YTHDC2: variants seen among roughly 807,000 people sequenced by gnomAD.
YTHDC2 encodes the protein 3'-5' RNA helicase YTHDC2.
A neutral mutation model predicts 174.9 loss-of-function variants in YTHDC2; 45 were observed. That is an observed-to-expected ratio of 0.26 (90% confidence interval 0.20 to 0.33). The LOEUF (loss-of-function observed/expected upper bound fraction) is 0.33. Among genes scored for constraint, YTHDC2 ranks in the 10% least tolerant of loss-of-function variants. The probability of loss-of-function intolerance (pLI) is 1.00; values close to 1 mark genes in which losing one functional copy is unlikely to be tolerated. For missense variants in YTHDC2, 1,650 were observed against 1,723.7 expected (o/e 0.96, Z 0.76); for synonymous variants, 657 against 574.5 (o/e 1.14, Z -2.05).
chr5:113,572,450 G>C (rs1168331849), intron 23 of YTHDC2, among the ~76,000 whole-genome samples: 1 of 152,198 alleles, frequency 6.6e-6, no homozygotes, highest in Non-Finnish European at 1.5e-5. Flanking sequence ...TCTTGTTTTT[G>C]GGTAGAGAGT....
intron 1 of YTHDC2, chr5:113,514,287 A>G (rs1249776795): frequency 4.2e-6 from 3 of 717,584 alleles, no homozygotes; most frequent in Non-Finnish European, 7.5e-6. Context: ...TGCTCTGCGG[A>G]TCAATGGGGT....
At chr5:113,521,744 G>GA (rs576067211) in intron 2 of YTHDC2, among the ~76,000 whole-genome samples, 3 of 102,048 alleles carry the variant, frequency 2.9e-5, no homozygotes, top group Non-Finnish European at 6.2e-5. Flanking sequence ...AAAAAAAAAA[G>GA]AAAAAAAACC....
chr5:113,540,016 C>G (rs1419038880), intron 8 of YTHDC2, among the ~76,000 whole-genome samples: 1 of 152,178 alleles, frequency 6.6e-6, no homozygotes, highest in Non-Finnish European at 1.5e-5. Flanking sequence ...ATCCTCCCAC[C>G]TCAGCCTCTT....
In YTHDC2 at chr5:113,593,365, A is replaced by G. The variant is rs532531947; in HGVS notation, c.4275A>G (p.Glu1425=). Residue 1425 remains glutamate (E), a synonymous_variant, in exon 29 of 30, where the codon GAA becomes GAG. Transcript: ENST00000161863. ...LQLWERLPLG[E]KNTTD ...TATGGGAACGTCTTCCCTTGGGAGAAAAAAACACAACTGATTGACACTCAG... is the reference window on the plus strand; with the variant it reads ...TATGGGAACGTCTTCCCTTGGGAGAGAAAAACACAACTGATTGACACTCAG... The G allele has an allele frequency of 1.4e-4, 224 of 1,612,704 alleles. 3 individuals are homozygous for G. In the South Asian group the frequency reaches 2.4e-3, roughly 17 times the overall value.
intron 23 of YTHDC2, among the ~76,000 whole-genome samples, chr5:113,573,199 A>G (rs1405389918): frequency 6.6e-6 from 1 of 152,152 alleles, no homozygotes; most frequent in Non-Finnish European, 1.5e-5. Context: ...CTTGTCTGAA[A>G]AGGATCTTAT....
intron 17 of YTHDC2, among the ~76,000 whole-genome samples, chr5:113,559,237 T>C (rs115508996): frequency 1.3e-5 from 2 of 151,950 alleles, no homozygotes; most frequent in South Asian, 4.2e-4. Context: ...ATGCATCTTA[T>C]GAAAAAAATT....
intron 23 of YTHDC2, among the ~76,000 whole-genome samples, chr5:113,575,631 G>C (rs1433032630): frequency 6.6e-6 from 1 of 152,176 alleles, no homozygotes; most frequent in Non-Finnish European, 1.5e-5. Context: ...GAGTGCACTG[G>C]TCAATGGAAG....
chr5:113,529,111 G>A (rs530148914), intron 4 of YTHDC2, among the ~76,000 whole-genome samples: 6 of 151,792 alleles, frequency 4.0e-5, no homozygotes, highest in South Asian at 2.1e-4. Flanking sequence ...CATAGTATTC[G>A]TGAACATTTT....
intron 2 of YTHDC2, 59 bp from the exon 3 acceptor site, chr5:113,524,922 C>A: frequency 7.9e-7 from 1 of 1,269,494 alleles, no homozygotes; most frequent in Non-Finnish European, 1.1e-6. Flanking sequence ...AGTGGGCATA[C>A]ATCATATGTG....
rs906426636 is a variant in YTHDC2, at chr5:113,591,887, A to G, written c.4030-109A>G. 7 of 864,206 alleles carry G rather than the reference A, an allele frequency of 8.1e-6. No individual in the cohort carries two copies. The African/African-American group carries it at 8.7e-5, about 11-fold the overall frequency. 53.5% of individuals were successfully genotyped at this position (864,206 alleles called of 1,614,324 possible). A position where few individuals can be genotyped will look rare whatever the true frequency, so the allele number is the denominator to read the frequency against. Reference sequence around the variant, plus strand: ...TTTGTTAGGTATCTGTTATTTCAATATTATATCTTAATCTTAAAATTTTAA... The same window carrying G: ...TTTGTTAGGTATCTGTTATTTCAATGTTATATCTTAATCTTAAAATTTTAA... On this transcript the variant is annotated intron_variant, in intron 27 of 29. Transcript: ENST00000161863.
intron 2 of YTHDC2, among the ~76,000 whole-genome samples, chr5:113,518,344 GC>G (rs1773623640): frequency 6.6e-6 from 1 of 151,752 alleles, no homozygotes; most frequent in South Asian, 2.1e-4. Flanking sequence ...GGTACTACAG[GC>G]ATATGCTACC....
chr5:113,565,739 ATAT>A, intron 20 of YTHDC2, 151 bp from the exon 21 acceptor site: 1 of 700,122 alleles, frequency 1.4e-6, no homozygotes, highest in Non-Finnish European at 2.1e-6. Flanking sequence ...TTAATGATAA[ATAT>A]TATTTGATCA....
At chr5:113,515,543 A>G (rs963928174) in intron 2 of YTHDC2, among the ~76,000 whole-genome samples, 181 bp downstream of exon 2, 3 of 152,068 alleles carry the variant, frequency 2.0e-5, no homozygotes, top group East Asian at 1.9e-4. Flanking sequence ...CCCTCTGTCT[A>G]CCTCTTCCCC....
chr5:113,518,556 CGTGTGT>C (rs67062871), intron 2 of YTHDC2, among the ~76,000 whole-genome samples: 13,838 of 144,384 alleles, frequency 0.096, 711 homozygotes, highest in Non-Finnish European at 0.12. Context: ...AGTTAGTTTT[CGTGTGT>C]GTGTGTGTGT....
At chr5:113,578,338 G>A (rs141361518) in intron 23 of YTHDC2, among the ~76,000 whole-genome samples, 454 of 151,934 alleles carry the variant, frequency 3.0e-3, no homozygotes, top group African/African-American at 0.01. Context: ...TGGGACTATA[G>A]GCATGAGTCA....
intron 7 of YTHDC2, among the ~76,000 whole-genome samples, chr5:113,537,512 T>A (rs554044386): frequency 6.6e-6 from 1 of 151,992 alleles, no homozygotes; most frequent in Non-Finnish European, 1.5e-5. Context: ...AATAGTGGTA[T>A]TCTCTAGAAT....
intron 24 of YTHDC2, 146 bp downstream of exon 24, chr5:113,579,841 T>A: frequency 7.7e-7 from 1 of 1,301,516 alleles, no homozygotes; most frequent in Non-Finnish European, 9.8e-7. Context: ...GGGACCTCAT[T>A]CATTCTCTTC....
At chr5:113,553,434 T>A (rs1776397825) in intron 13 of YTHDC2, 75 bp downstream of exon 13, 3 of 1,459,996 alleles carry the variant, frequency 2.1e-6, no homozygotes, top group Admixed American at 2.3e-5. Flanking sequence ...GTACAAATTT[T>A]TATATAATTG....
At position 113,584,137 on chromosome 5, in the gene YTHDC2, A is replaced by G. The variant is rs567445900; in HGVS notation, c.3648-165A>G. 4.3e-5 allele frequency: 23 copies of G among 530,548 alleles called. No individual in the cohort carries two copies. In the South Asian group the frequency reaches 5.3e-4, roughly 12 times the overall value. The allele number at this position is 530,548 out of a possible 1,614,324, so 32.9% of individuals were successfully genotyped here. A position where few individuals can be genotyped will look rare whatever the true frequency, so the allele number is the denominator to read the frequency against. On this transcript the variant is annotated intron_variant, in intron 25 of 29. Transcript: ENST00000161863. ...AAATTTAGAACTGCCATAGACATCT[A>G]TATTTCCTGACCTTAGTATTTTTAA...
Sources: gnomAD v4.1 joint callset for allele counts (sites outside exome capture counted in the v4.1 genomes callset) on GRCh38, gnomAD v4.1.1 for gene constraint, MANE v1.5 for transcripts, NCBI Gene and HGNC (gene_info 2026-07-23, HGNC 2026-07-21) for gene names.